The following LYPLA1 variants were observed in gnomAD, a reference collection of about 807,000 sequenced individuals.
LYPLA1 encodes the protein lysophospholipase 1.
Under a neutral mutation model 34.0 loss-of-function variants are expected in LYPLA1, and 17 were observed. The ratio of observed to expected loss-of-function variants is 0.50; its 90% CI spans 0.34 to 0.75. The LOEUF is 0.75. Among genes scored for constraint, LYPLA1 ranks in the 30% least tolerant of loss-of-function variants. The probability of loss-of-function intolerance (pLI) is 0.01; values close to 1 mark genes in which losing one functional copy is unlikely to be tolerated. For missense variants in LYPLA1, 203 were observed against 288.8 expected (o/e 0.70, Z 2.15); for synonymous variants, 98 against 100.8 (o/e 0.97, Z 0.17).
intron 2 of LYPLA1, among the ~76,000 whole-genome samples, chr8:54,069,798 A>C (rs973573105): frequency 1.3e-5 from 2 of 152,216 alleles, no homozygotes; most frequent in African/African-American, 4.8e-5. Flanking sequence ...TTTTACCTCG[A>C]ATTAAACAAA....
chr8:54,053,508 C>T (rs1586077136), intron 6 of LYPLA1: 2 of 430,976 alleles, frequency 4.6e-6, no homozygotes, highest in East Asian at 7.1e-5. Flanking sequence ...GGAAGCTGTA[C>T]TCCTGCCAGC....
intron 3 of LYPLA1, among the ~76,000 whole-genome samples, chr8:54,064,817 A>G (rs1806929422): frequency 6.6e-6 from 1 of 152,202 alleles, no homozygotes; most frequent in Admixed American, 6.5e-5. Context: ...AAAATACATT[A>G]ACACTAACAA....
intron 2 of LYPLA1, among the ~76,000 whole-genome samples, chr8:54,074,000 T>G (rs1364433984): frequency 6.6e-6 from 1 of 152,152 alleles, no homozygotes; most frequent in Non-Finnish European, 1.5e-5. Flanking sequence ...AGCAGCCAGG[T>G]GTGGTGACTC....
At chr8:54,091,310 A>C (rs918632630) in intron 2 of LYPLA1, among the ~76,000 whole-genome samples, 1 of 152,000 alleles carries the variant, frequency 6.6e-6, no homozygotes, top group Admixed American at 6.6e-5. Flanking sequence ...CAACACGGTG[A>C]AACCCTGTTT....
chr8:54,101,748 C>T lies in LYPLA1; in HGVS notation c.69+7G>A. ...GACCCCTCCGAGCCCACGCCTACGC[C>T]ACTCACCGCAGCGGTGGCCTTCCGG... On this transcript the variant is annotated splice_region_variant and intron_variant, in intron 1 of 8. Transcript: ENST00000316963. The T allele has an allele frequency of 1.5e-6, 2 of 1,300,924 alleles. No homozygotes were observed. Among genetic ancestry groups the T allele is most frequent in the African/African-American group, 1.5e-5 (1 of 64,860 alleles). The allele number at this position is 1,300,924 out of a possible 1,614,324, so 80.6% of individuals were successfully genotyped here. A position where few individuals can be genotyped will look rare whatever the true frequency, so the allele number is the denominator to read the frequency against.
chr8:54,050,897 ACT>A, intron 8 of LYPLA1, 113 bp downstream of exon 8: 1 of 1,084,996 alleles, frequency 9.2e-7, no homozygotes, highest in South Asian at 1.7e-5. Flanking sequence ...CTAACTTATG[ACT>A]CAATATGAAT....
chr8:54,100,959 T>G lies in LYPLA1; in HGVS notation c.70-20A>C. The G allele has an allele frequency of 6.2e-7, 1 of 1,603,756 alleles. No homozygotes were observed. The highest frequency in any genetic ancestry group is 2.2e-5 in the East Asian group (1 of 44,800). On this transcript the variant is annotated intron_variant, in intron 1 of 8. Coordinates refer to ENST00000316963, the MANE Select transcript of LYPLA1 (RefSeq NM_006330.4). ...AATCACCTATAAGAGAAGAGGAAAATTAATAAGCAATGCCTAAATAAGCCC... is the reference window on the plus strand; with the variant it reads ...AATCACCTATAAGAGAAGAGGAAAAGTAATAAGCAATGCCTAAATAAGCCC...
chr8:54,078,826 T>C (rs76933329), intron 2 of LYPLA1, among the ~76,000 whole-genome samples: 3,112 of 152,078 alleles, frequency 0.02, 43 homozygotes, highest in Non-Finnish European at 0.031. Flanking sequence ...TTATGAGCTA[T>C]ATCAATTGAT....
At chr8:54,068,890 A>G (rs1807267449) in intron 2 of LYPLA1, among the ~76,000 whole-genome samples, 1 of 152,246 alleles carries the variant, frequency 6.6e-6, no homozygotes, top group Admixed American at 6.5e-5. Context: ...GACAACTTAC[A>G]TAGTGGGAAA....
At chr8:54,050,126 C>T (rs1805749891) in intron 8 of LYPLA1, among the ~76,000 whole-genome samples, 1 of 152,194 alleles carries the variant, frequency 6.6e-6, no homozygotes, top group Admixed American at 6.5e-5. Flanking sequence ...TATTTCAAAT[C>T]TCCATTTCCA....
chr8:54,093,604 G>A (rs909562128), intron 2 of LYPLA1, among the ~76,000 whole-genome samples: 1 of 152,194 alleles, frequency 6.6e-6, no homozygotes, highest in Non-Finnish European at 1.5e-5. Context: ...AATCCATCTA[G>A]TTTGTGGTTA....
At chr8:54,098,285 C>T (rs1400072127) in intron 2 of LYPLA1, among the ~76,000 whole-genome samples, 1 of 151,850 alleles carries the variant, frequency 6.6e-6, no homozygotes, top group Non-Finnish European at 1.5e-5. Context: ...TACCAAGTGA[C>T]TAACAGATGG....
chr8:54,072,610 C>A (rs2129341974), intron 2 of LYPLA1, among the ~76,000 whole-genome samples: 1 of 151,864 alleles, frequency 6.6e-6, no homozygotes, highest in Non-Finnish European at 1.5e-5. Flanking sequence ...AAACTTGCTT[C>A]CACTTTACTG....
chr8:54,097,710 G>T (rs1449850703), intron 2 of LYPLA1, among the ~76,000 whole-genome samples: 1 of 152,142 alleles, frequency 6.6e-6, no homozygotes, highest in Non-Finnish European at 1.5e-5. Context: ...TAAACAGTGG[G>T]GGATGCTCTA....
intron 2 of LYPLA1, among the ~76,000 whole-genome samples, chr8:54,094,497 C>G (rs915991576): frequency 2.0e-5 from 3 of 152,108 alleles, no homozygotes; most frequent in Admixed American, 2.0e-4. Context: ...TATAATAAAC[C>G]CTGTGGTGCT....
chr8:54,101,911 C>A lies in LYPLA1; in HGVS notation c.-88G>T, dbSNP rs1275026202. On this transcript the variant is annotated 5_prime_UTR_variant, in exon 1 of 9. Coordinates refer to ENST00000316963, the MANE Select transcript of LYPLA1 (RefSeq NM_006330.4). The stretch of plus-strand genomic sequence containing the variant: ...CGTGCGAGCGGCGAGTCCCGGCCGG[C>A]CCCACCGGGCGCACGCTCAGGCGCG... 4.0e-5 allele frequency: 30 copies of A among 748,112 alleles called. No individual in the cohort carries two copies. The highest frequency in any genetic ancestry group is 5.1e-5 in the Non-Finnish European group (29 of 570,512). The allele number at this position is 748,112 out of a possible 1,614,324, so 46.3% of individuals were successfully genotyped here. A position where few individuals can be genotyped will look rare whatever the true frequency, so the allele number is the denominator to read the frequency against.
rs766080715 is a variant in LYPLA1, at chr8:54,101,842, G to C, written c.-19C>G. On this transcript the variant is annotated 5_prime_UTR_variant, in exon 1 of 9. Transcript: ENST00000316963. ...CGCACATACACCGCCTCAGCTCACA[G>C]CGCAAGCGGAAGGAAGAGCGGGCGC... 1.6e-6 allele frequency: 2 copies of C among 1,251,130 alleles called. No individual in the cohort carries two copies. Among genetic ancestry groups the C allele is most frequent in the African/African-American group, 3.1e-5 (2 of 64,420 alleles). 77.5% of individuals were successfully genotyped at this position (1,251,130 alleles called of 1,614,324 possible). A position where few individuals can be genotyped will look rare whatever the true frequency, so the allele number is the denominator to read the frequency against.
chr8:54,052,645 A>G lies in LYPLA1; in HGVS notation c.462+10T>C, dbSNP rs1805924772. The G allele has an allele frequency of 1.9e-6, 3 of 1,597,708 alleles. No homozygotes were observed. The highest frequency in any genetic ancestry group is 1.3e-5 in the African/African-American group (1 of 74,608). On this transcript the variant is annotated intron_variant, in intron 7 of 8. Coordinates refer to ENST00000316963, the MANE Select transcript of LYPLA1 (RefSeq NM_006330.4). ...CAGTAATCTCATGTTGAGTGCATCAACCAAGTTACCTGTGGAAAGGAAGCC... is the reference window on the plus strand; with the variant it reads ...CAGTAATCTCATGTTGAGTGCATCAGCCAAGTTACCTGTGGAAAGGAAGCC...
rs149192509 is a variant in LYPLA1 at position 54,055,310 on chromosome 8, G to A, written c.287-177C>T. On this transcript the variant is annotated intron_variant, in intron 5 of 8. Coordinates refer to ENST00000316963, the MANE Select transcript of LYPLA1 (RefSeq NM_006330.4). ...TTAGAATGTATTTTCATATGCCAAC[G>A]GAGAACAACGTGAAAAGGAAATTTT... Among the ~76,000 whole-genome samples, 289 of 152,094 alleles carry A rather than the reference G, an allele frequency of 1.9e-3. 1 individual carries two copies. The highest frequency in any genetic ancestry group is 3.4e-3 in the Middle Eastern group (1 of 292).
Sources: allele counts gnomAD v4.1 joint callset (sites outside exome capture counted in the v4.1 genomes callset), GRCh38; gene constraint gnomAD v4.1.1; transcripts MANE v1.5; gene names NCBI Gene and HGNC (gene_info 2026-07-23, HGNC 2026-07-21).